The following REEP5 variants were observed in gnomAD, a reference collection of about 807,000 sequenced individuals.
REEP5 encodes the protein receptor expression-enhancing protein 5.
In REEP5, 24 loss-of-function variants were observed where a neutral mutation model predicts 22.4. The observed-to-expected ratio is 1.07, with a 90% CI of 0.78 to 1.51. The LOEUF (loss-of-function observed/expected upper bound fraction) is 1.51, where lower values mean the gene tolerates loss of function less well. REEP5 is among the 40% of genes most tolerant of loss of function. The probability of loss-of-function intolerance (pLI) is 0.00; values close to 1 mark genes in which losing one functional copy is unlikely to be tolerated. For synonymous variants in REEP5, 103 were observed against 88.6 expected, an observed-to-expected ratio of 1.16 and a Z score of -0.92; for missense variants, 252 against 233.0, an observed-to-expected ratio of 1.08 and a Z score of -0.53.
chr5:112,892,561 C>T (rs749317065), intron 3 of REEP5: 23 of 1,613,978 alleles, frequency 1.4e-5, no homozygotes, highest in Admixed American at 5.0e-5. Flanking sequence ...TGAATTCTGC[C>T]CAGTGACCCG....
intron 2 of REEP5, among the ~76,000 whole-genome samples, chr5:112,918,650 C>T (rs957698205): frequency 6.6e-6 from 1 of 152,170 alleles, no homozygotes; most frequent in Non-Finnish European, 1.5e-5. Flanking sequence ...ATCATGTCAC[C>T]CCCTATTTAA....
chr5:112,901,599 C>A (rs905767186), intron 3 of REEP5, among the ~76,000 whole-genome samples: 8 of 152,036 alleles, frequency 5.3e-5, no homozygotes, highest in East Asian at 1.9e-4. Flanking sequence ...GTAATCCCAG[C>A]TACTCGGGAG....
intron 2 of REEP5, among the ~76,000 whole-genome samples, chr5:112,904,675 C>T (rs1265188075): frequency 1.3e-5 from 2 of 152,176 alleles, no homozygotes; most frequent in Non-Finnish European, 2.9e-5. Context: ...ATCCAGTAAA[C>T]AGACATCTTC....
chr5:112,908,087 TTTC>T (rs1481965660), intron 2 of REEP5, among the ~76,000 whole-genome samples: 5 of 77,584 alleles, frequency 6.4e-5, no homozygotes, highest in African/African-American at 3.3e-4. Context: ...CATCAGAGAC[TTTC>T]TTTGTTTTTT....
intron 2 of REEP5, among the ~76,000 whole-genome samples, chr5:112,905,311 T>C (rs1768931138): frequency 6.6e-6 from 1 of 151,952 alleles, no homozygotes; most frequent in Non-Finnish European, 1.5e-5. Context: ...GAGGCCGAGG[T>C]GGGCAGATCA....
chr5:112,885,208 T>G (rs544475529), intron 4 of REEP5: 1 of 168,548 alleles, frequency 5.9e-6, no homozygotes, highest in Non-Finnish European at 1.3e-5. Flanking sequence ...GTGAGTGCTG[T>G]GGGGGTGGGG....
In REEP5 at chr5:112,878,181, C is replaced by CTAAAG. The variant is rs781594878; in HGVS notation, c.*600_*604dup. The CTAAAG allele has an allele frequency of 1.0e-4, 16 of 152,608 alleles. No individual in the cohort carries two copies. The highest frequency in any genetic ancestry group is 2.9e-4 in the African/African-American group (12 of 41,406). The allele number at this position is 152,608 out of a possible 1,614,324, so 9.5% of individuals were successfully genotyped here. On this transcript the variant is annotated 3_prime_UTR_variant, in exon 5 of 5. Coordinates refer to ENST00000379638, the MANE Select transcript of REEP5 (RefSeq NM_005669.5). ...CACTTGCATATTAATCACGTATTTC[C>CTAAAG]TAAAGTATTATTTAGTAGACCACAC...
At chr5:112,901,987 G>T (rs1290237076) in intron 3 of REEP5, among the ~76,000 whole-genome samples, 1 of 150,332 alleles carries the variant, frequency 6.7e-6, no homozygotes. Context: ...AAAAAAAAAG[G>T]CTAAGACCAA....
At chr5:112,888,824 T>C (rs1168820272) in intron 3 of REEP5, among the ~76,000 whole-genome samples, 2 of 150,774 alleles carry the variant, frequency 1.3e-5, no homozygotes, top group Admixed American at 1.3e-4. Flanking sequence ...AGTTGGAGAC[T>C]GACATGGTTT....
intron 2 of REEP5, among the ~76,000 whole-genome samples, chr5:112,912,806 C>T (rs1323018942): frequency 6.6e-6 from 1 of 151,958 alleles, no homozygotes; most frequent in Non-Finnish European, 1.5e-5. Context: ...ATCAGTACCT[C>T]AAATAAGAAG....
Position 112,887,199 on chromosome 5 carries a change from G to T in REEP5, c.352-16C>A. On this transcript the variant is annotated splice_polypyrimidine_tract_variant and intron_variant, in intron 3 of 4. Transcript: ENST00000379638. ...GGAAGCCACACTGCACAGAAAAAGA[G>T]CCAGCATGGGTAACAGGAGGGTGGA... 1 of 1,563,420 alleles carries T rather than the reference G, an allele frequency of 6.4e-7. No homozygotes were observed.
At chr5:112,881,016 C>T (rs1247120073) in intron 4 of REEP5, among the ~76,000 whole-genome samples, 1 of 150,126 alleles carries the variant, frequency 6.7e-6, no homozygotes, top group Admixed American at 6.7e-5. Flanking sequence ...GTAATCACAG[C>T]TACTTGGGAG....
intron 3 of REEP5, chr5:112,892,451 T>G: frequency 6.2e-7 from 1 of 1,614,148 alleles, no homozygotes; most frequent in Non-Finnish European, 8.5e-7. Context: ...GAACCTCACC[T>G]GAGGGGCAAT....
chr5:112,912,092 A>T (rs1769116589), intron 2 of REEP5, among the ~76,000 whole-genome samples: 1 of 152,174 alleles, frequency 6.6e-6, no homozygotes, highest in Non-Finnish European at 1.5e-5. Flanking sequence ...GATTTGTCCT[A>T]AACGTTTGAC....
At chr5:112,901,057 T>C (rs1768829462) in intron 3 of REEP5, among the ~76,000 whole-genome samples, 1 of 152,200 alleles carries the variant, frequency 6.6e-6, no homozygotes, top group African/African-American at 2.4e-5. Flanking sequence ...CAGGCTGGTC[T>C]CGAACTCCTG....
chr5:112,893,682 T>C (rs1768578617), intron 3 of REEP5: 1 of 152,432 alleles, frequency 6.6e-6, no homozygotes, highest in African/African-American at 2.4e-5. Context: ...TACACATGGA[T>C]AGTAATGCTA....
At chr5:112,911,909 A>T (rs1000765578) in intron 2 of REEP5, among the ~76,000 whole-genome samples, 1 of 152,198 alleles carries the variant, frequency 6.6e-6, no homozygotes, top group Admixed American at 6.5e-5. Context: ...CAAGGAACAA[A>T]AAATGAAAGT....
At position 112,878,695 on chromosome 5, in the gene REEP5, T is replaced by G; in HGVS notation, c.*91A>C. ...TCTCAAAAATGTTTCCAAGGCAACA[T>G]TATTAAAATAATTATACCACAGTCC... On this transcript the variant is annotated 3_prime_UTR_variant, in exon 5 of 5. Coordinates refer to ENST00000379638, the MANE Select transcript of REEP5 (RefSeq NM_005669.5). 1 of 1,529,104 alleles carries G rather than the reference T, an allele frequency of 6.5e-7. No individual in the cohort carries two copies. The highest frequency in any genetic ancestry group is 8.9e-7 in the Non-Finnish European group (1 of 1,127,626). The allele number at this position is 1,529,104 out of a possible 1,614,324, so 94.7% of individuals were successfully genotyped here.
chr5:112,880,665 T>C (rs1055641216), intron 4 of REEP5, among the ~76,000 whole-genome samples: 3 of 152,244 alleles, frequency 2.0e-5, no homozygotes, highest in South Asian at 2.1e-4. Context: ...TTTAATTCTC[T>C]TGCCCCTATT....
Sources: gnomAD v4.1 joint callset for allele counts (sites outside exome capture counted in the v4.1 genomes callset) on GRCh38, gnomAD v4.1.1 for gene constraint, MANE v1.5 for transcripts, NCBI Gene and HGNC (gene_info 2026-07-23, HGNC 2026-07-21) for gene names.